EGLN1: variants seen among roughly 807,000 people sequenced by gnomAD.
EGLN1 encodes the protein egl-9 family hypoxia inducible factor 1, also known as egl nine homolog 1.
EGLN1 carries 17 observed loss-of-function variants against 38.3 expected under a neutral mutation model. The ratio of observed to expected loss-of-function variants is 0.44; its 90% CI spans 0.30 to 0.67. The LOEUF (loss-of-function observed/expected upper bound fraction) is 0.67, where lower values mean the gene tolerates loss of function less well. EGLN1 is among the 30% of genes least tolerant of loss of function. EGLN1 has a pLI of 0.08. For synonymous variants in EGLN1, 283 were observed against 257.5 expected, an observed-to-expected ratio of 1.10 and a Z score of -0.95; for missense variants, 477 against 603.3, an observed-to-expected ratio of 0.79 and a Z score of 2.19.
chr1:231,399,729 G>C (rs183033274), intron 1 of EGLN1, among the ~76,000 whole-genome samples: 18 of 152,092 alleles, frequency 1.2e-4, no homozygotes, highest in South Asian at 8.3e-4. Context: ...CAGATAACTT[G>C]CTAGCATCAT....
intron 1 of EGLN1, among the ~76,000 whole-genome samples, chr1:231,407,203 C>T (rs1461641944): frequency 2.0e-5 from 3 of 152,290 alleles, no homozygotes; most frequent in East Asian, 1.9e-4. Flanking sequence ...ATCTACACTC[C>T]ACCATGGCCC....
intron 1 of EGLN1, among the ~76,000 whole-genome samples, chr1:231,400,937 C>T (rs923178474): frequency 2.6e-5 from 4 of 152,070 alleles, no homozygotes; most frequent in African/African-American, 9.7e-5. Flanking sequence ...GGATTCACAG[C>T]TACTCAGGAG....
At chr1:231,369,452 C>T (rs1372768160) in intron 3 of EGLN1, 7 of 380,950 alleles carry the variant, frequency 1.8e-5, no homozygotes, top group Non-Finnish European at 2.5e-5. Context: ...TTTACAGAAG[C>T]AGCAGGGGGC....
chr1:231,370,760 G>A, intron 2 of EGLN1, 62 bp from the exon 3 acceptor site: 1 of 1,576,860 alleles, frequency 6.3e-7, no homozygotes, highest in Non-Finnish European at 8.7e-7. Context: ...TTAAATTTAG[G>A]GGGAAAAAAA....
chr1:231,397,970 CA>C (rs1175752919), intron 1 of EGLN1, among the ~76,000 whole-genome samples: 1 of 152,158 alleles, frequency 6.6e-6, no homozygotes, highest in Non-Finnish European at 1.5e-5. Flanking sequence ...GCTACCTCCC[CA>C]AAGAACCACA....
intron 1 of EGLN1, among the ~76,000 whole-genome samples, chr1:231,410,466 A>G (rs529414357): frequency 6.6e-6 from 1 of 152,320 alleles, no homozygotes; most frequent in African/African-American, 2.4e-5. Context: ...TGTGAGAAAT[A>G]GTGAGGCAGA....
intron 1 of EGLN1, among the ~76,000 whole-genome samples, chr1:231,380,971 G>A (rs746928530): frequency 2.6e-5 from 4 of 152,146 alleles, no homozygotes; most frequent in African/African-American, 4.8e-5. Flanking sequence ...CCAGGCTGGA[G>A]TGCAGTGGCG....
At chr1:231,412,773 T>C (rs944082798) in intron 1 of EGLN1, among the ~76,000 whole-genome samples, 1 of 152,124 alleles carries the variant, frequency 6.6e-6, no homozygotes, top group Non-Finnish European at 1.5e-5. Context: ...GGGAAGTAAG[T>C]GTCAGCAAGC....
At chr1:231,396,285 C>T (rs558471652) in intron 1 of EGLN1, among the ~76,000 whole-genome samples, 103 of 148,640 alleles carry the variant, frequency 6.9e-4, no homozygotes, top group African/African-American at 2.5e-3. Flanking sequence ...TGGGGAGTCT[C>T]GCTCTGTTGC....
At chr1:231,370,303 T>C (rs561626577) in intron 3 of EGLN1, among the ~76,000 whole-genome samples, 1 of 152,350 alleles carries the variant, frequency 6.6e-6, no homozygotes, top group East Asian at 1.9e-4. Flanking sequence ...GCTAGAAAGA[T>C]GGGAAGGCCT....
intron 1 of EGLN1, chr1:231,420,275 G>A (rs1656530943): frequency 2.0e-5 from 3 of 152,188 alleles, no homozygotes; most frequent in African/African-American, 4.8e-5. Flanking sequence ...TTCAACAGAA[G>A]GATTACATTA....
chr1:231,414,653 G>A (rs1275096489), intron 1 of EGLN1, among the ~76,000 whole-genome samples: 2 of 151,474 alleles, frequency 1.3e-5, no homozygotes, highest in African/African-American at 2.4e-5. Context: ...GCAAAAGGGA[G>A]AAGAAAGTCT....
intron 1 of EGLN1, among the ~76,000 whole-genome samples, chr1:231,387,558 G>C (rs181401805): frequency 0.015 from 2,246 of 151,564 alleles, 55 homozygotes; most frequent in African/African-American, 0.051. Flanking sequence ...ACGGGGTTTC[G>C]CCGTGTTAGC....
chr1:231,395,397 T>A (rs1298254599), intron 1 of EGLN1, among the ~76,000 whole-genome samples: 1 of 136,004 alleles, frequency 7.4e-6, no homozygotes, highest in Non-Finnish European at 1.7e-5. Flanking sequence ...TGTAGTTGCC[T>A]CCGTTAAGCA....
intron 1 of EGLN1, among the ~76,000 whole-genome samples, chr1:231,401,848 T>C (rs1330849635): frequency 2.0e-5 from 3 of 152,200 alleles, no homozygotes; most frequent in Non-Finnish European, 4.4e-5. Flanking sequence ...CTGGGTCATA[T>C]GATAAATTTA....
chr1:231,391,083 G>GTT (rs111257907), intron 1 of EGLN1, among the ~76,000 whole-genome samples: 2,509 of 49,706 alleles, frequency 0.05, 405 homozygotes, highest in African/African-American at 0.056. Flanking sequence ...AACTCATTCT[G>GTT]TTTTTTTTTT....
At chr1:231,420,403 T>A in intron 1 of EGLN1, 1 of 159,116 alleles carries the variant, frequency 6.3e-6, no homozygotes, top group South Asian at 1.7e-4. Context: ...AGGAACAGGG[T>A]GAGGGATAAG....
intron 1 of EGLN1, among the ~76,000 whole-genome samples, chr1:231,388,811 C>T (rs898721045): frequency 3.9e-5 from 6 of 152,130 alleles, no homozygotes; most frequent in African/African-American, 7.2e-5. Context: ...CCCACCACCA[C>T]GCCCAGCTAA....
chr1:231,408,089 C>T (rs368120066), intron 1 of EGLN1, among the ~76,000 whole-genome samples: 2 of 152,268 alleles, frequency 1.3e-5, no homozygotes, highest in South Asian at 4.1e-4. Context: ...AAAACCTTTC[C>T]TTCCCCTGCC....
Sources: gnomAD v4.1 joint callset for allele counts (sites outside exome capture counted in the v4.1 genomes callset) on GRCh38, gnomAD v4.1.1 for gene constraint, MANE v1.5 for transcripts, NCBI Gene and HGNC (gene_info 2026-07-23, HGNC 2026-07-21) for gene names.